The following DCUN1D3 variants were observed in gnomAD, a reference collection of about 807,000 sequenced individuals.
DCUN1D3 encodes DCN1-like protein 3.
DCUN1D3 carries 6 observed loss-of-function variants against 24.8 expected under a neutral mutation model. That is an observed-to-expected ratio of 0.24 (90% CI 0.13 to 0.48). DCUN1D3 has a LOEUF of 0.48. Among genes scored for constraint, DCUN1D3 ranks in the 20% least tolerant of loss-of-function variants. The pLI is 0.99. For synonymous variants in DCUN1D3, 120 were observed against 144.9 expected (o/e 0.83, Z 1.24); for missense variants, 258 against 379.4 (o/e 0.68, Z 2.66).
intron 2 of DCUN1D3, among the ~76,000 whole-genome samples, chr16:20,861,315 G>A (rs1240288319): frequency 6.6e-6 from 1 of 150,490 alleles, no homozygotes; most frequent in African/African-American, 2.5e-5. Flanking sequence ...TTCATGGAGG[G>A]AGAGAGGCGT....
rs753737940 is a variant in DCUN1D3 at position 20,860,250 on chromosome 16, C to T, written c.551G>A (p.Arg184Gln). The T allele has an allele frequency of 3.7e-6, 6 of 1,614,090 alleles. No individual in the cohort carries two copies. The highest frequency in any genetic ancestry group is 2.2e-5 in the East Asian group (1 of 44,904). Residue 184 changes from arginine (R) to glutamine (Q), a missense_variant, in exon 3 of 3, where the codon CGG (arginine) becomes CAG (glutamine). By Grantham distance (43) the Arg-to-Gln change is conservative. Transcript: ENST00000324344. This position sits in a 1 kb window ranked among gnomAD's most constrained non-coding sequence, Gnocchi z 4.3. ...KQEDKFKDLY[R>Q]FTFQFGLDSE... ...GTCCAGGCCAAACTGAAATGTAAAC[C>T]GGTAGAGATCCTTGAATTTATCCTC... is the stretch of plus-strand genomic sequence containing the variant.
chr16:20,865,721 G>A (rs576496887), intron 1 of DCUN1D3, among the ~76,000 whole-genome samples: 1 of 152,298 alleles, frequency 6.6e-6, no homozygotes, highest in African/African-American at 2.4e-5. Flanking sequence ...GACAGAAGGT[G>A]TTTTTTATGA....
chr16:20,871,889 C>T (rs147571503), intron 1 of DCUN1D3, among the ~76,000 whole-genome samples: 13 of 152,260 alleles, frequency 8.5e-5, no homozygotes, highest in Non-Finnish European at 1.0e-4. Context: ...GTTTTCACAC[C>T]AGCTTTTCCA....
chr16:20,862,026 C>G, intron 2 of DCUN1D3, 82 bp downstream of exon 2: 1 of 1,483,840 alleles, frequency 6.7e-7, no homozygotes, highest in Non-Finnish European at 9.3e-7. Flanking sequence ...CAACCCAGTC[C>G]TATCCTAGCT....
chr16:20,863,960 C>A (rs762936310), intron 1 of DCUN1D3, among the ~76,000 whole-genome samples: 3 of 152,176 alleles, frequency 2.0e-5, no homozygotes, highest in Non-Finnish European at 4.4e-5. Context: ...ACACCATATA[C>A]AAAAATCAAC....
chr16:20,872,458 A>C (rs907321936), intron 1 of DCUN1D3, among the ~76,000 whole-genome samples: 2 of 150,742 alleles, frequency 1.3e-5, no homozygotes, highest in African/African-American at 4.9e-5. Flanking sequence ...CAACCTCTTA[A>C]TGTTTGCTAA....
At chr16:20,888,709 G>A (rs1253346486) in intron 1 of DCUN1D3, among the ~76,000 whole-genome samples, 1 of 152,148 alleles carries the variant, frequency 6.6e-6, no homozygotes, top group Admixed American at 6.5e-5. Context: ...CCCTGGCTAG[G>A]CCTCTTAAAA....
At chr16:20,875,331 T>C (rs1014055419) in intron 1 of DCUN1D3, among the ~76,000 whole-genome samples, 3 of 152,132 alleles carry the variant, frequency 2.0e-5, no homozygotes, top group Non-Finnish European at 2.9e-5. Context: ...GTCTTGACTG[T>C]TCTGCAACCA....
chr16:20,894,476 C>G (rs1382590921), intron 1 of DCUN1D3, among the ~76,000 whole-genome samples: 1 of 152,168 alleles, frequency 6.6e-6, no homozygotes, highest in Non-Finnish European at 1.5e-5. Flanking sequence ...GCCCAAGTGA[C>G]AGAATTATTT....
rs1252284014 is a variant in DCUN1D3, at chr16:20,884,755, G to C, written c.-106+15449C>G. ...AAAATCGAAATTTACAAAGTATGAGGAATTGAAGCACAGATCCCACCTCAG... is the reference window on the plus strand; with the variant it reads ...AAAATCGAAATTTACAAAGTATGAGCAATTGAAGCACAGATCCCACCTCAG... On this transcript the variant is annotated intron_variant, in intron 1 of 2. Transcript: ENST00000324344. Among the ~76,000 whole-genome samples, 3 of 152,098 alleles carry C rather than the reference G, an allele frequency of 2.0e-5. No individual in the cohort carries two copies. In the East Asian group the frequency reaches 5.8e-4, roughly 29 times the overall value.
chr16:20,892,431 A>C (rs1186865196), intron 1 of DCUN1D3, among the ~76,000 whole-genome samples: 1 of 152,148 alleles, frequency 6.6e-6, no homozygotes, highest in African/African-American at 2.4e-5. Context: ...CCTTCACTGT[A>C]ATGGTATTAT....
At chr16:20,884,402 G>A (rs76157579) in intron 1 of DCUN1D3, among the ~76,000 whole-genome samples, 2 of 152,190 alleles carry the variant, frequency 1.3e-5, no homozygotes, top group East Asian at 1.9e-4. Context: ...GTCACAACTC[G>A]GCCCCTCCCC....
chr16:20,877,302 T>C (rs142448321), intron 1 of DCUN1D3, among the ~76,000 whole-genome samples: 1 of 152,270 alleles, frequency 6.6e-6, no homozygotes, highest in Non-Finnish European at 1.5e-5. Flanking sequence ...CTGCTTCATA[T>C]GAGATGGGTC....
chr16:20,882,234 T>A (rs1209743004), intron 1 of DCUN1D3, among the ~76,000 whole-genome samples: 1 of 150,062 alleles, frequency 6.7e-6, no homozygotes, highest in African/African-American at 2.5e-5. Flanking sequence ...CCTGAGCACC[T>A]TCATTTATAA....
rs61506075 is a variant in DCUN1D3 at position 20,859,540 on chromosome 16, C to CAA, written c.*344_*345dup. The stretch of plus-strand genomic sequence containing the variant: ...CGCCCTGCTCTATGCCCTCCCCTAC[C>CAA]AAAAAAAAAAAAAAAAAAACAAAAA... On this transcript the variant is annotated 3_prime_UTR_variant, in exon 3 of 3. Transcript: ENST00000324344. 143 of 71,452 alleles carry CAA rather than the reference C, an allele frequency of 2.0e-3. No homozygotes were observed. Among genetic ancestry groups the CAA allele is most frequent in the African/African-American group, 3.0e-3 (48 of 16,102 alleles). The allele number at this position is 71,452 out of a possible 1,614,324, so 4.4% of individuals were successfully genotyped here.
chr16:20,862,261 T>G lies in DCUN1D3; in HGVS notation c.278A>C (p.Glu93Ala). 1 of 1,614,232 alleles carries G rather than the reference T, an allele frequency of 6.2e-7. No homozygotes were observed. The highest frequency in any genetic ancestry group is 8.5e-7 in the Non-Finnish European group (1 of 1,180,032). The change falls in exon 2 of 3, where the codon GAA (glutamate) becomes GCA (alanine). Residue 93 changes from glutamate (E) to alanine (A), a missense_variant. Glu to Ala is a moderately radical substitution (Grantham distance 107, BLOSUM62 -1). Coordinates refer to ENST00000324344, the MANE Select transcript of DCUN1D3 (RefSeq NM_173475.4). ...AEESSLQRLE[E>A]LFRRYKDERE... ...CTCATCCTTGTAGCGCCTGAACAGTTCTTCCAATCTTTGCAAGGAAGACTC... is the reference window on the plus strand; with the variant it reads ...CTCATCCTTGTAGCGCCTGAACAGTGCTTCCAATCTTTGCAAGGAAGACTC...
chr16:20,893,691 C>T (rs1020685591), intron 1 of DCUN1D3, among the ~76,000 whole-genome samples: 1 of 152,146 alleles, frequency 6.6e-6, no homozygotes, highest in African/African-American at 2.4e-5. Flanking sequence ...TCAACAATGG[C>T]GGAGAGGGCT....
intron 1 of DCUN1D3, 22 bp from the exon 2 acceptor site, chr16:20,862,665 A>G (rs922168512): frequency 1.3e-6 from 2 of 1,511,874 alleles, no homozygotes; most frequent in South Asian, 1.3e-5. Flanking sequence ...TTAGAAAGCC[A>G]TCACCTCTGG....
At chr16:20,866,855 G>T (rs1342050316) in intron 1 of DCUN1D3, among the ~76,000 whole-genome samples, 1 of 152,088 alleles carries the variant, frequency 6.6e-6, no homozygotes, top group South Asian at 2.1e-4. Flanking sequence ...ACTGCCCAGT[G>T]GTCTACCTTC....
Sources: gnomAD v4.1 joint callset for allele counts (sites outside exome capture counted in the v4.1 genomes callset) on GRCh38, gnomAD v4.1.1 for gene constraint, Gnocchi (gnomAD v3.1) non-coding constraint, MANE v1.5 for transcripts, NCBI Gene and HGNC (gene_info 2026-07-23, HGNC 2026-07-21) for gene names.